The following MS4A4A variants were observed in gnomAD, a reference collection of about 807,000 sequenced individuals.
MS4A4A encodes membrane-spanning 4-domains subfamily A member 4A.
MS4A4A carries 26 observed loss-of-function variants against 28.0 expected under a neutral mutation model. The ratio of observed to expected loss-of-function variants is 0.93; its 90% CI spans 0.68 to 1.29. The LOEUF (loss-of-function observed/expected upper bound fraction) is 1.29. Ranked by LOEUF, MS4A4A falls within the 50% of genes most tolerant of loss-of-function variation. MS4A4A has a pLI of 0.00. For synonymous variants in MS4A4A, 86 were observed against 100.8 expected (o/e 0.85, Z 0.88); for missense variants, 290 against 293.1 (o/e 0.99, Z 0.08).
chr11:60,295,879 A>G (rs139232361), intron 2 of MS4A4A, among the ~76,000 whole-genome samples: 181 of 152,154 alleles, frequency 1.2e-3, no homozygotes, highest in African/African-American at 3.9e-3. Context: ...GCATTGTTAG[A>G]TTTAGTTTGC....
intron 1 of MS4A4A, among the ~76,000 whole-genome samples, chr11:60,284,316 G>C (rs569260461): frequency 5.9e-4 from 90 of 152,190 alleles, no homozygotes; most frequent in Non-Finnish European, 1.2e-3. Flanking sequence ...TATTATTACT[G>C]GTATTCCTAC....
rs900690095 is a variant in MS4A4A at position 60,306,180 on chromosome 11, G to A, written c.627G>A (p.Val209=). The A allele has an allele frequency of 2.5e-6, 4 of 1,613,816 alleles. No homozygotes were observed. Among genetic ancestry groups the A allele is most frequent in the Non-Finnish European group, 3.4e-6 (4 of 1,179,758 alleles). Residue 209 remains valine, a synonymous_variant, in exon 6 of 7, where the codon GTG becomes GTA. Coordinates refer to ENST00000337908, the MANE Select transcript of MS4A4A (RefSeq NM_148975.3). ...CCCTCTCTGCCTTTGGATGTAAAGT[G>A]CTCTGTTGTACCCCTGGTGGGGTGA... ...AVSLSAFGCK[V]LCCTPGGVVL...
In MS4A4A at chr11:60,300,630, A is replaced by AG. The variant is rs1290382236; in HGVS notation, c.331-371_331-370insG. On this transcript the variant is annotated intron_variant, in intron 3 of 6. Transcript: ENST00000337908. ...GACTCCGTCTCAAAAAAAAAAAAAA[A>AG]AAAAAAAAAAAAATTCTAAATGAGA... Among the ~76,000 whole-genome samples the AG allele has an allele frequency of 1.3e-4, 19 of 150,302 alleles. 2 individuals are homozygous for AG. The highest frequency in any genetic ancestry group is 5.9e-4 in the East Asian group (3 of 5,124).
At chr11:60,293,033 C>T (rs577321677) in intron 2 of MS4A4A, among the ~76,000 whole-genome samples, 9 of 152,044 alleles carry the variant, frequency 5.9e-5, no homozygotes, top group Non-Finnish European at 1.2e-4. Flanking sequence ...TATGTTGGCA[C>T]ATACTAGGTT....
At chr11:60,290,035 G>A in intron 1 of MS4A4A, 1 of 430,938 alleles carries the variant, frequency 2.3e-6, no homozygotes, top group Middle Eastern at 3.3e-4. Flanking sequence ...CCTAATCTGT[G>A]GGACTTCTTG....
intron 1 of MS4A4A, among the ~76,000 whole-genome samples, chr11:60,281,272 T>A (rs1178406150): frequency 6.6e-6 from 1 of 152,148 alleles, no homozygotes; most frequent in Non-Finnish European, 1.5e-5. Flanking sequence ...GGCAGTAAAC[T>A]GAGGCTGCTC....
intron 3 of MS4A4A, among the ~76,000 whole-genome samples, chr11:60,298,910 C>T (rs1371548728): frequency 5.3e-5 from 8 of 152,288 alleles, no homozygotes; most frequent in Non-Finnish European, 1.0e-4. Context: ...CTATGAAGTG[C>T]CTCCTTTTTC....
chr11:60,283,774 A>T (rs1414348360), intron 1 of MS4A4A, among the ~76,000 whole-genome samples: 1 of 151,784 alleles, frequency 6.6e-6, no homozygotes, highest in Non-Finnish European at 1.5e-5. Flanking sequence ...AATAAGACCT[A>T]TTTTATTTTA....
intron 6 of MS4A4A, among the ~76,000 whole-genome samples, chr11:60,306,830 C>T (rs1177660866): frequency 6.6e-6 from 1 of 152,200 alleles, no homozygotes; most frequent in Admixed American, 6.5e-5. Context: ...TTATTTTATT[C>T]CATTATCCTA....
At chr11:60,286,048 C>A (rs1351465679) in intron 1 of MS4A4A, among the ~76,000 whole-genome samples, 1 of 152,164 alleles carries the variant, frequency 6.6e-6, no homozygotes, top group Non-Finnish European at 1.5e-5. Context: ...CCTGGGAATG[C>A]ATTCTCTTCC....
At chr11:60,300,662 T>G (rs2084946180) in intron 3 of MS4A4A, among the ~76,000 whole-genome samples, 1 of 150,672 alleles carries the variant, frequency 6.6e-6, no homozygotes, top group Non-Finnish European at 1.5e-5. Flanking sequence ...GAGAATAATT[T>G]TAGTGTATTT....
chr11:60,303,513 G>A (rs1035487441), intron 5 of MS4A4A, among the ~76,000 whole-genome samples: 1 of 152,292 alleles, frequency 6.6e-6, no homozygotes, highest in South Asian at 2.1e-4. Flanking sequence ...TTCAAGACCA[G>A]CCTGGCCAAC....
rs2085025142 is a variant in MS4A4A at position 60,308,371 on chromosome 11, TC to T, written c.*196del. On this transcript the variant is annotated 3_prime_UTR_variant, in exon 7 of 7. Coordinates refer to ENST00000337908, the MANE Select transcript of MS4A4A (RefSeq NM_148975.3). ...ATTCAAAATTATGTTCTCATTTTTT[TC>T]CCTGGAACTCAATAACTCATTTCAC... 5.9e-6 allele frequency: 3 copies of T among 510,384 alleles called. No homozygotes were observed. In the South Asian group the frequency reaches 1.1e-4, roughly 18 times the overall value. The allele number at this position is 510,384 out of a possible 1,614,324, so 31.6% of individuals were successfully genotyped here.
In MS4A4A at chr11:60,308,191, A is replaced by T. The variant is rs1452238644; in HGVS notation, c.*13A>T. ...TAATGAGGTTTGAGGCCACCAAAAG[A>T]TCAACAGACAAATGCTCCAGAAATC... On this transcript the variant is annotated 3_prime_UTR_variant, in exon 7 of 7. Coordinates refer to ENST00000337908, the MANE Select transcript of MS4A4A (RefSeq NM_148975.3). 4 of 1,611,360 alleles carry T rather than the reference A, an allele frequency of 2.5e-6. No homozygotes were observed. In the South Asian group the frequency reaches 3.3e-5, roughly 13 times the overall value.
intron 3 of MS4A4A, 111 bp from the exon 4 acceptor site, chr11:60,300,890 A>G: frequency 1.4e-6 from 1 of 737,964 alleles, no homozygotes. Context: ...GTTTTCTTTA[A>G]GATAATTGGT....
At chr11:60,305,469 A>T (rs1285535914) in intron 5 of MS4A4A, among the ~76,000 whole-genome samples, 1 of 152,158 alleles carries the variant, frequency 6.6e-6, no homozygotes, top group Non-Finnish European at 1.5e-5. Context: ...TTGGTTTGTC[A>T]TCCCATCTTC....
intron 5 of MS4A4A, chr11:60,305,878 G>T: frequency 1.9e-6 from 1 of 536,706 alleles, no homozygotes. Context: ...GCACTGGGAG[G>T]TGCTGAACTA....
intron 2 of MS4A4A, among the ~76,000 whole-genome samples, chr11:60,293,833 G>A (rs1010492649): frequency 3.9e-5 from 6 of 152,006 alleles, no homozygotes; most frequent in African/African-American, 1.5e-4. Flanking sequence ...ATATTTCATT[G>A]TCTAGAAGCA....
intron 1 of MS4A4A, among the ~76,000 whole-genome samples, chr11:60,282,368 G>C (rs2084761935): frequency 6.6e-6 from 1 of 152,212 alleles, no homozygotes; most frequent in Admixed American, 6.5e-5. Flanking sequence ...GATGGACTAA[G>C]AAGAATCATC....
Sources: gnomAD v4.1 joint callset for allele counts (sites outside exome capture counted in the v4.1 genomes callset) on GRCh38, gnomAD v4.1.1 for gene constraint, MANE v1.5 for transcripts, NCBI Gene and HGNC (gene_info 2026-07-23, HGNC 2026-07-21) for gene names.